Variants in LEPR observed in about 807,000 individuals in gnomAD.
The protein encoded by LEPR is OB receptor.
Under a neutral mutation model 114.7 loss-of-function variants are expected in LEPR, and 56 were observed. That is an observed-to-expected ratio of 0.49 (90% confidence interval 0.39 to 0.61). LEPR has a LOEUF of 0.61. Among genes scored for constraint, LEPR ranks in the 20% least tolerant of loss-of-function variants. The pLI, the probability that LEPR is intolerant of heterozygous loss-of-function variation, is 0.00. For synonymous variants in LEPR, 443 were observed against 461.4 expected (o/e 0.96, Z 0.51); for missense variants, 1,202 against 1,352.9 (o/e 0.89, Z 1.75).
chr1:65,482,773 G>A (rs1323186670), intron 2 of LEPR, among the ~76,000 whole-genome samples: 1 of 152,136 alleles, frequency 6.6e-6, no homozygotes, highest in African/African-American at 2.4e-5. Context: ...GTATCACAAG[G>A]TCAGGAGTTC....
intron 2 of LEPR, among the ~76,000 whole-genome samples, chr1:65,476,751 C>T (rs530791214): frequency 1.3e-5 from 2 of 152,240 alleles, no homozygotes; most frequent in South Asian, 4.1e-4. Flanking sequence ...ACATATAATT[C>T]TTCAGTAACC....
chr1:65,579,557 A>G (rs1654837466), intron 5 of LEPR, among the ~76,000 whole-genome samples: 1 of 152,200 alleles, frequency 6.6e-6, no homozygotes, highest in Non-Finnish European at 1.5e-5. Flanking sequence ...TGCTTTATTG[A>G]GCAAAATAGG....
intron 14 of LEPR, among the ~76,000 whole-genome samples, chr1:65,610,672 C>T (rs1159335968): frequency 3.9e-5 from 6 of 152,178 alleles, no homozygotes; most frequent in Admixed American, 2.6e-4. Flanking sequence ...ATGTCACCTT[C>T]CCCGCACACC....
At chr1:65,469,205 C>T (rs1025290781) in intron 2 of LEPR, among the ~76,000 whole-genome samples, 1 of 152,088 alleles carries the variant, frequency 6.6e-6, no homozygotes, top group Admixed American at 6.6e-5. Context: ...ACAGATGAGG[C>T]AGGGCTGTGT....
intron 1 of LEPR, among the ~76,000 whole-genome samples, chr1:65,422,876 C>T (rs891793809): frequency 5.9e-5 from 9 of 152,104 alleles, no homozygotes; most frequent in South Asian, 2.1e-4. Flanking sequence ...GGGATGGCAG[C>T]GGTGATATAT....
At chr1:65,472,613 T>TACACACAC (rs201774318) in intron 2 of LEPR, among the ~76,000 whole-genome samples, 3 of 93,546 alleles carry the variant, frequency 3.2e-5, no homozygotes, top group Non-Finnish European at 6.3e-5. Context: ...TGTATATATA[T>TACACACAC]AGACACACAC....
chr1:65,548,469 T>C (rs1329578149), intron 2 of LEPR, among the ~76,000 whole-genome samples: 2 of 152,164 alleles, frequency 1.3e-5, no homozygotes, highest in Non-Finnish European at 2.9e-5. Flanking sequence ...CACTCAGGAC[T>C]TGCTTTATGA....
chr1:65,634,636 T>C, intron 19 of LEPR: 1 of 976,616 alleles, frequency 1.0e-6, no homozygotes, highest in Non-Finnish European at 1.2e-6. Context: ...GTATGACATT[T>C]TAGCATGAAA....
At chr1:65,453,170 T>G (rs887149734) in intron 2 of LEPR, among the ~76,000 whole-genome samples, 1 of 152,210 alleles carries the variant, frequency 6.6e-6, no homozygotes, top group Non-Finnish European at 1.5e-5. Flanking sequence ...TCTTCTCTCT[T>G]TTTTTCTTTA....
chr1:65,527,010 C>T (rs545571750), intron 2 of LEPR, among the ~76,000 whole-genome samples: 2 of 152,264 alleles, frequency 1.3e-5, no homozygotes, highest in South Asian at 4.1e-4. Context: ...TGAATATTTA[C>T]ACCTCTCATA....
chr1:65,484,390 CT>C (rs199835959), intron 2 of LEPR, among the ~76,000 whole-genome samples: 5 of 150,118 alleles, frequency 3.3e-5, no homozygotes, highest in South Asian at 2.1e-4. Context: ...GCCTCCCACA[CT>C]TTTTTTTTTA....
At chr1:65,434,655 C>T (rs1230718568) in intron 2 of LEPR, 2 of 985,278 alleles carry the variant, frequency 2.0e-6, no homozygotes, top group Non-Finnish European at 2.4e-6. Context: ...CAACTTTCCA[C>T]CCCTTTTCCT....
intron 2 of LEPR, among the ~76,000 whole-genome samples, chr1:65,544,700 C>A (rs200034969): frequency 1.5e-5 from 1 of 67,200 alleles, no homozygotes; most frequent in East Asian, 2.1e-4. Flanking sequence ...GACAATCATG[C>A]GGTTTTTTTT....
At chr1:65,546,738 A>G (rs564935310) in intron 2 of LEPR, among the ~76,000 whole-genome samples, 3,277 of 152,272 alleles carry the variant, frequency 0.022, 61 homozygotes, top group Admixed American at 0.031. Context: ...TAGATATACA[A>G]TCATGTCATC....
chr1:65,620,838 A>G (rs1035231818), intron 17 of LEPR, among the ~76,000 whole-genome samples: 2 of 152,234 alleles, frequency 1.3e-5, no homozygotes, highest in Non-Finnish European at 2.9e-5. Context: ...TGCAGTTTCC[A>G]AGAGCCTATC....
rs1289523137 is a variant in LEPR at position 65,434,541 on chromosome 1, A to G, written c.-21+9163A>G. 3 of 985,142 alleles carry G rather than the reference A, an allele frequency of 3.0e-6. No individual in the cohort carries two copies. The African/African-American group carries it at 5.2e-5, about 17-fold the overall frequency. The allele number at this position is 985,142 out of a possible 1,614,324, so 61.0% of individuals were successfully genotyped here. ...GAGTTCCCAGGCCAAGCCTCCCTCA[A>G]CAGGTTCAACTCTAATATACCTAAC... is the stretch of plus-strand genomic sequence containing the variant. On this transcript the variant is annotated intron_variant, in intron 2 of 19. Transcript: ENST00000349533.
At chr1:65,547,374 A>G (rs1239621699) in intron 2 of LEPR, among the ~76,000 whole-genome samples, 6 of 152,170 alleles carry the variant, frequency 3.9e-5, no homozygotes, top group Non-Finnish European at 8.8e-5. Context: ...GTTGTTTCAG[A>G]AGGAATGGTA....
At chr1:65,545,009 A>C (rs1261748301) in intron 2 of LEPR, among the ~76,000 whole-genome samples, 6 of 138,108 alleles carry the variant, frequency 4.3e-5, no homozygotes, top group East Asian at 2.2e-4. Context: ...TCCTGTGTCC[A>C]TGTGTTCTCA....
intron 2 of LEPR, among the ~76,000 whole-genome samples, chr1:65,543,573 G>A (rs1651406908): frequency 6.6e-6 from 1 of 151,938 alleles, no homozygotes; most frequent in Non-Finnish European, 1.5e-5. Flanking sequence ...TGTTGCCTAG[G>A]TTTTCTTCTA....
Sources: gnomAD v4.1 joint callset for allele counts (sites outside exome capture counted in the v4.1 genomes callset) on GRCh38, gnomAD v4.1.1 for gene constraint, MANE v1.5 for transcripts, NCBI Gene and HGNC (gene_info 2026-07-23, HGNC 2026-07-21) for gene names.